Variants in CDH1 observed in about 807,000 individuals in gnomAD.
CDH1 encodes cadherin 1.
Under a neutral mutation model 84.5 loss-of-function variants are expected in CDH1, and 35 were observed. The ratio of observed to expected loss-of-function variants is 0.41; its 90% CI spans 0.32 to 0.55. The LOEUF is 0.55. Ranked by LOEUF, CDH1 falls within the 20% of genes least tolerant of loss-of-function variation. The pLI, the probability that CDH1 is intolerant of heterozygous loss-of-function variation, is 0.19. For synonymous variants in CDH1, 417 were observed against 439.0 expected (o/e 0.95, Z 0.63); for missense variants, 994 against 1,126.6 (o/e 0.88, Z 1.68).
intron 2 of CDH1, among the ~76,000 whole-genome samples, chr16:68,792,206 G>C (rs57688464): frequency 0.29 from 43,488 of 148,414 alleles, 6,408 homozygotes; most frequent in Middle Eastern, 0.35. Flanking sequence ...CAGGCATGAG[G>C]CACCACACCC....
intron 2 of CDH1, among the ~76,000 whole-genome samples, chr16:68,739,002 C>A (rs542007060): frequency 1.6e-5 from 2 of 124,760 alleles, no homozygotes; most frequent in Non-Finnish European, 3.1e-5. Context: ...AGCTGGAGTG[C>A]AGTGGCACAA....
intron 15 of CDH1, among the ~76,000 whole-genome samples, chr16:68,832,473 G>T (rs1729707679): frequency 6.6e-6 from 1 of 151,560 alleles, no homozygotes; most frequent in Admixed American, 6.6e-5. Context: ...AAGACTCTGA[G>T]ACTCCATCTC....
At chr16:68,798,358 C>G (rs1322072944) in intron 2 of CDH1, among the ~76,000 whole-genome samples, 1 of 152,150 alleles carries the variant, frequency 6.6e-6, no homozygotes, top group Non-Finnish European at 1.5e-5. Flanking sequence ...GACAACCCAG[C>G]CCTTGCCAGC....
In CDH1 at chr16:68,833,164, A is replaced by G. The variant is rs35316236; in HGVS notation, c.2440-126A>G. ...GTATAAATGTACGTTGTTGGTGTTC[A>G]CTGCTCCGTGGTGTGCCACAAGTCT... is the stretch of plus-strand genomic sequence containing the variant. On this transcript the variant is annotated intron_variant, in intron 15 of 15. Transcript: ENST00000261769. The G allele has an allele frequency of 2.0e-3, 1,532 of 772,154 alleles. 16 individuals carry two copies. The African/African-American group carries it at 0.02, about 10-fold the overall frequency. The allele number at this position is 772,154 out of a possible 1,614,324, so 47.8% of individuals were successfully genotyped here.
intron 10 of CDH1, among the ~76,000 whole-genome samples, chr16:68,818,572 GGCGCGGTGGCTCAC>G (rs1961047835): frequency 6.7e-6 from 1 of 148,620 alleles, no homozygotes; most frequent in Non-Finnish European, 1.5e-5. Flanking sequence ...GTTTCGGCCG[GGCGCGGTGGCTCAC>G]GCCTGTAATC....
rs183154656 is a variant in CDH1, at chr16:68,781,358, G to A, written c.164-20312G>A. On this transcript the variant is annotated intron_variant, in intron 2 of 15. Coordinates refer to ENST00000261769, the MANE Select transcript of CDH1 (RefSeq NM_004360.5). ...TCTTTTACTTTTTCCTTCCTTTTTA[G>A]AGTTAGGGTCTCACTCTGTCATCCA... 2.0e-5 allele frequency among the ~76,000 whole-genome samples: 3 copies of A among 152,162 alleles called. No homozygotes were observed. The East Asian group carries it at 5.8e-4, about 29-fold the overall frequency.
intron 2 of CDH1, among the ~76,000 whole-genome samples, chr16:68,746,840 T>G (rs921377159): frequency 1.4e-4 from 22 of 152,124 alleles, no homozygotes; most frequent in Admixed American, 1.1e-3. Flanking sequence ...TCCCAGCTAC[T>G]TGGGAGGCCG....
At chr16:68,823,895 C>T (rs922521042) in intron 13 of CDH1, among the ~76,000 whole-genome samples, 3 of 151,954 alleles carry the variant, frequency 2.0e-5, no homozygotes, top group African/African-American at 7.3e-5. Flanking sequence ...CAAGACAGTG[C>T]ATCCCAAGCT....
intron 12 of CDH1, 88 bp downstream of exon 12, chr16:68,822,313 A>G: frequency 1.1e-6 from 1 of 888,728 alleles, no homozygotes; most frequent in East Asian, 2.5e-5. Context: ...TTCCCTTCTC[A>G]ACTTCTAGAT....
At chr16:68,757,851 G>A (rs1963053896) in intron 2 of CDH1, among the ~76,000 whole-genome samples, 2 of 150,952 alleles carry the variant, frequency 1.3e-5, no homozygotes, top group South Asian at 4.2e-4. Flanking sequence ...GGAGTGGAGT[G>A]GTACAATTTT....
At position 68,768,042 on chromosome 16, in the gene CDH1, G is replaced by A. The variant is rs146009744; in HGVS notation, c.163+29631G>A. ...ACGCTTTTGGCTCACTGCAACCTCCGCCTCCCGGGTTCAAGTGCCCCAGAC... is the reference window on the plus strand; with the variant it reads ...ACGCTTTTGGCTCACTGCAACCTCCACCTCCCGGGTTCAAGTGCCCCAGAC... On this transcript the variant is annotated intron_variant, in intron 2 of 15. Coordinates refer to ENST00000261769, the MANE Select transcript of CDH1 (RefSeq NM_004360.5). Among the ~76,000 whole-genome samples, 439 of 151,534 alleles carry A rather than the reference G, an allele frequency of 2.9e-3. 1 individual carries two copies. Among genetic ancestry groups the A allele is most frequent in the African/African-American group, 0.01 (414 of 41,252 alleles).
chr16:68,815,826 C>T (rs2152135238), intron 10 of CDH1, 67 bp downstream of exon 10: 1 of 1,538,188 alleles, frequency 6.5e-7, no homozygotes, highest in Non-Finnish European at 9.0e-7. Context: ...ATATGTAAAT[C>T]AATAATATGT....
chr16:68,807,182 T>C (rs1005251074), intron 3 of CDH1, among the ~76,000 whole-genome samples: 1 of 152,244 alleles, frequency 6.6e-6, no homozygotes, highest in African/African-American at 2.4e-5. Context: ...ATGAAAACTG[T>C]TCAATACAAG....
chr16:68,751,623 C>T (rs574800848), intron 2 of CDH1, among the ~76,000 whole-genome samples: 13 of 152,104 alleles, frequency 8.5e-5, no homozygotes, highest in Admixed American at 2.6e-4. Flanking sequence ...CTGCCTCAGC[C>T]TCCTGAGTAG....
chr16:68,815,713 T>A lies in CDH1; in HGVS notation c.1519T>A (p.Ser507Thr), dbSNP rs1402430481. ...EDFGVGQEIT[S>T]YTAQEPDTFM... Reference sequence around the variant, plus strand: ...CTTTGGCGTGGGCCAGGAAATCACATCCTACACTGCCCAGGAGCCAGACAC... The same window carrying A: ...CTTTGGCGTGGGCCAGGAAATCACAACCTACACTGCCCAGGAGCCAGACAC... The change falls in exon 10 of 16, where the codon TCC (serine) becomes ACC (threonine). Residue 507 changes from serine (S) to threonine (T), a missense_variant. By Grantham distance (58) the Ser-to-Thr change is moderately conservative (BLOSUM62 1). Around this residue, in one of 3 missense-constraint regions of CDH1, gnomAD observed 769 missense variants for 881.8 expected, o/e 0.87. Transcript: ENST00000261769. 6.2e-7 allele frequency: 1 copy of A among 1,614,196 alleles called. No homozygotes were observed. Among genetic ancestry groups the A allele is most frequent in the African/African-American group, 1.3e-5 (1 of 75,038 alleles).
chr16:68,740,234 A>G (rs1962527603), intron 2 of CDH1, among the ~76,000 whole-genome samples: 1 of 152,152 alleles, frequency 6.6e-6, no homozygotes, highest in African/African-American at 2.4e-5. Flanking sequence ...TCATTCTTCC[A>G]GTCTTTGACC....
At chr16:68,746,166 G>A (rs12921546) in intron 2 of CDH1, among the ~76,000 whole-genome samples, 36,830 of 152,112 alleles carry the variant, frequency 0.24, 4,779 homozygotes, top group Admixed American at 0.28. Flanking sequence ...GGTGGCTTAC[G>A]CCTGTAATCT....
chr16:68,788,705 G>C (rs995930300), intron 2 of CDH1, among the ~76,000 whole-genome samples: 2 of 152,036 alleles, frequency 1.3e-5, no homozygotes, highest in Non-Finnish European at 2.9e-5. Flanking sequence ...TGTGAAATAA[G>C]AAGAAAGTTG....
At chr16:68,789,445 G>A (rs1242228730) in intron 2 of CDH1, among the ~76,000 whole-genome samples, 2 of 152,028 alleles carry the variant, frequency 1.3e-5, no homozygotes, top group Non-Finnish European at 2.9e-5. Flanking sequence ...AGGATCTGAA[G>A]GACACATATC....
Sources: gnomAD v4.1 joint callset for allele counts (sites outside exome capture counted in the v4.1 genomes callset) on GRCh38, gnomAD v4.1.1 for gene constraint, gnomAD v4.1.1 regional missense constraint, MANE v1.5 for transcripts, NCBI Gene and HGNC (gene_info 2026-07-23, HGNC 2026-07-21) for gene names.